The following UBE2Q2 variants were observed in gnomAD, a reference collection of about 807,000 sequenced individuals.
The protein encoded by UBE2Q2 is ubiquitin conjugating enzyme E2 Q2, also known as ubiquitin-conjugating enzyme E2 Q2.
A neutral mutation model predicts 59.9 loss-of-function variants in UBE2Q2; 54 were observed. The ratio of observed to expected loss-of-function variants is 0.90; its 90% CI spans 0.72 to 1.13. UBE2Q2 has a LOEUF of 1.13. Among genes scored for constraint, UBE2Q2 ranks in the 50% most tolerant of loss-of-function variants. The probability of loss-of-function intolerance (pLI) is 0.00; values close to 1 mark genes in which losing one functional copy is unlikely to be tolerated. For synonymous variants in UBE2Q2, 165 were observed against 155.2 expected, an observed-to-expected ratio of 1.06 and a Z score of -0.47; for missense variants, 433 against 441.9, an observed-to-expected ratio of 0.98 and a Z score of 0.18.
At chr15:75,858,224 CCA>C (rs1267546845) in intron 2 of UBE2Q2, among the ~76,000 whole-genome samples, 2 of 152,180 alleles carry the variant, frequency 1.3e-5, no homozygotes, top group African/African-American at 4.8e-5. Flanking sequence ...GTATTCATCT[CCA>C]GAGTTTCAAA....
chr15:75,854,465 A>T lies in UBE2Q2; in HGVS notation c.260A>T (p.Glu87Val), dbSNP rs753629620. 8.7e-6 allele frequency: 14 copies of T among 1,611,286 alleles called. No individual in the cohort carries two copies. In the South Asian group the frequency reaches 9.9e-5, roughly 11 times the overall value. ...CTGACATCAGTTCTGGAACGTCTAG[A>T]AGATACTAAGAACAACAATTTGGTA... ...PNLTSVLERL[E>V]DTKNNNLLRQ... is the part of the protein sequence containing the mutation. The change falls in exon 2 of 13, where the codon GAA (glutamate) becomes GTA (valine). Residue 87 changes from glutamate (E) to valine (V), a missense_variant. Transcript: ENST00000267938.
chr15:75,881,265 CCT>C (rs1245229835), intron 8 of UBE2Q2, among the ~76,000 whole-genome samples: 1 of 151,972 alleles, frequency 6.6e-6, no homozygotes, highest in Non-Finnish European at 1.5e-5. Flanking sequence ...CCTGTGGCCC[CCT>C]GTGTGCCCCT....
chr15:75,876,112 A>G, intron 5 of UBE2Q2, 75 bp from the exon 6 acceptor site: 1 of 1,368,332 alleles, frequency 7.3e-7, no homozygotes, highest in Non-Finnish European at 1.0e-6. Flanking sequence ...TTTTGCTGTA[A>G]TCTTTTAGAT....
At chr15:75,860,935 T>A (rs1897175937) in intron 3 of UBE2Q2, among the ~76,000 whole-genome samples, 1 of 152,234 alleles carries the variant, frequency 6.6e-6, no homozygotes, top group African/African-American at 2.4e-5. Context: ...TTTTCTGAGC[T>A]CTAGCTTCTG....
rs771317262 is a variant in UBE2Q2, at chr15:75,883,347, T to G, written c.826-19T>G. The G allele has an allele frequency of 5.6e-6, 9 of 1,607,648 alleles. No homozygotes were observed. The highest frequency in any genetic ancestry group is 6.8e-6 in the Non-Finnish European group (8 of 1,175,004). On this transcript the variant is annotated intron_variant, in intron 8 of 12. Coordinates refer to ENST00000267938, the MANE Select transcript of UBE2Q2 (RefSeq NM_173469.4). ...AGGATGTTCTTTAAATTAATTAAAC[T>G]TGCTTATTTGCTTTTTAGGATAACT...
At chr15:75,890,111 T>G (rs1899011431) in intron 9 of UBE2Q2, among the ~76,000 whole-genome samples, 2 of 152,210 alleles carry the variant, frequency 1.3e-5, no homozygotes, top group Non-Finnish European at 2.9e-5. Context: ...TGAACGCCAT[T>G]TAAGGAAACT....
At chr15:75,859,571 G>GT (rs1337604238) in intron 2 of UBE2Q2, among the ~76,000 whole-genome samples, 1 of 151,254 alleles carries the variant, frequency 6.6e-6, no homozygotes, top group African/African-American at 2.4e-5. Context: ...GTCTGAAGTT[G>GT]TAAGTTTCTC....
intron 2 of UBE2Q2, among the ~76,000 whole-genome samples, chr15:75,856,269 G>GTGTGTGTGTGTATATATATATATATA (rs1256142539): frequency 1.4e-5 from 2 of 139,284 alleles, no homozygotes; most frequent in African/African-American, 5.5e-5. Context: ...GTGTGTGTGT[G>GTGTGTGTGTGTATATATATATATATA]TATATATATA....
rs1321699281 is a variant in UBE2Q2 at position 75,900,115 on chromosome 15, CTGGGGCA to C, written c.*659_*665del. 2.0e-5 allele frequency: 3 copies of C among 152,456 alleles called. No individual in the cohort carries two copies. The highest frequency in any genetic ancestry group is 7.2e-5 in the African/African-American group (3 of 41,434). 9.4% of individuals were successfully genotyped at this position (152,456 alleles called of 1,614,324 possible). ...TAAGGCTTGTGAGTAGTGATTTCCA[CTGGGGCA>C]TCAGAGTCTTGGCTGGGCTGAATCT... On this transcript the variant is annotated 3_prime_UTR_variant, in exon 13 of 13. Coordinates refer to ENST00000267938, the MANE Select transcript of UBE2Q2 (RefSeq NM_173469.4).
intron 2 of UBE2Q2, 105 bp from the exon 3 acceptor site, chr15:75,859,773 A>C (rs1203339540): frequency 1.3e-6 from 1 of 741,856 alleles, no homozygotes; most frequent in Non-Finnish European, 2.1e-6. Context: ...GAGCAGTAAC[A>C]AACTTTTTCA....
chr15:75,871,740 T>C (rs990288109), intron 4 of UBE2Q2, among the ~76,000 whole-genome samples: 5 of 152,214 alleles, frequency 3.3e-5, no homozygotes, highest in African/African-American at 1.2e-4. Context: ...TTTTTCTTAG[T>C]ACAGAACAAA....
intron 8 of UBE2Q2, among the ~76,000 whole-genome samples, chr15:75,879,876 A>C (rs1898305078): frequency 6.6e-6 from 1 of 152,218 alleles, no homozygotes; most frequent in Non-Finnish European, 1.5e-5. Context: ...AAACTGTCCA[A>C]GAACAAAGAG....
chr15:75,860,087 G>C, intron 3 of UBE2Q2, 105 bp downstream of exon 3: 1 of 828,786 alleles, frequency 1.2e-6, no homozygotes, highest in Non-Finnish European at 1.9e-6. Flanking sequence ...TTAGAAGTTA[G>C]TTTCATTTTT....
intron 2 of UBE2Q2, among the ~76,000 whole-genome samples, chr15:75,858,187 A>T (rs1321306636): frequency 6.6e-6 from 1 of 152,124 alleles, no homozygotes; most frequent in Non-Finnish European, 1.5e-5. Context: ...TTTAGTCATG[A>T]TCTCTGTTCT....
At chr15:75,899,267 TCTGTC>T (rs1359163824) in intron 12 of UBE2Q2, among the ~76,000 whole-genome samples, 155 bp from the exon 13 acceptor site, 9 of 150,100 alleles carry the variant, frequency 6.0e-5, no homozygotes. Context: ...AGAGTGAAAC[TCTGTC>T]TCAAAAAATA....
intron 3 of UBE2Q2, among the ~76,000 whole-genome samples, chr15:75,860,859 T>C (rs1897172953): frequency 6.6e-6 from 1 of 152,230 alleles, no homozygotes; most frequent in Non-Finnish European, 1.5e-5. Flanking sequence ...CTTTCTTGGC[T>C]GACCCTTTCT....
At chr15:75,896,526 G>T (rs770956797) in intron 11 of UBE2Q2, among the ~76,000 whole-genome samples, 6 of 152,110 alleles carry the variant, frequency 3.9e-5, no homozygotes, top group African/African-American at 1.4e-4. Flanking sequence ...ACAATTATGG[G>T]CATTCTTTAG....
At chr15:75,845,000 A>G (rs759980326) in intron 1 of UBE2Q2, among the ~76,000 whole-genome samples, 2 of 151,982 alleles carry the variant, frequency 1.3e-5, no homozygotes, top group African/African-American at 2.4e-5. Flanking sequence ...TACTGAGGAG[A>G]TAATTCATTT....
At chr15:75,868,889 A>G in intron 3 of UBE2Q2, 62 bp from the exon 4 acceptor site, 2 of 1,464,872 alleles carry the variant, frequency 1.4e-6, no homozygotes, top group Non-Finnish European at 1.9e-6. Context: ...CCAGTCTTCT[A>G]ATGTACTCAG....
Sources: gnomAD v4.1 joint callset for allele counts (sites outside exome capture counted in the v4.1 genomes callset) on GRCh38, gnomAD v4.1.1 for gene constraint, MANE v1.5 for transcripts, NCBI Gene and HGNC (gene_info 2026-07-23, HGNC 2026-07-21) for gene names.